INPP4B: variants seen among roughly 807,000 people sequenced by gnomAD.
INPP4B encodes the protein inositol polyphosphate-4-phosphatase type II B, also known as inositol polyphosphate 4-phosphatase type II.
INPP4B carries 55 observed loss-of-function variants against 122.5 expected under a neutral mutation model. The observed-to-expected ratio is 0.45, with a 90% CI of 0.36 to 0.56. INPP4B has a LOEUF of 0.56. INPP4B is among the 20% of genes least tolerant of loss of function. The probability of loss-of-function intolerance (pLI) is 0.00; values close to 1 mark genes in which losing one functional copy is unlikely to be tolerated. For missense variants in INPP4B, 1,000 were observed against 1,097.7 expected (o/e 0.91, Z 1.26); for synonymous variants, 403 against 388.7 (o/e 1.04, Z -0.43).
chr4:142,738,894 T>A (rs1006405891), intron 1 of INPP4B, among the ~76,000 whole-genome samples: 3 of 152,150 alleles, frequency 2.0e-5, no homozygotes, highest in African/African-American at 7.2e-5. Context: ...TCTTAAGTCT[T>A]GTGGAAATTC....
At chr4:142,121,163 T>A (rs1796390943) in intron 21 of INPP4B, among the ~76,000 whole-genome samples, 1 of 152,106 alleles carries the variant, frequency 6.6e-6, no homozygotes, top group South Asian at 2.1e-4. Context: ...TTATTCTTTT[T>A]CTCCCAAATG....
intron 2 of INPP4B, among the ~76,000 whole-genome samples, chr4:142,653,317 G>T (rs1236705491): frequency 6.6e-6 from 1 of 152,106 alleles, no homozygotes; most frequent in Non-Finnish European, 1.5e-5. Context: ...GCATGGGCAA[G>T]GACTTCATGA....
At chr4:142,802,529 T>C (rs1197698671) in intron 1 of INPP4B, among the ~76,000 whole-genome samples, 1 of 152,110 alleles carries the variant, frequency 6.6e-6, no homozygotes, top group East Asian at 1.9e-4. Flanking sequence ...CACTCACTTG[T>C]TATAGGAAAG....
intron 2 of INPP4B, among the ~76,000 whole-genome samples, chr4:142,468,695 C>T (rs1051822839): frequency 1.1e-4 from 16 of 152,272 alleles, no homozygotes; most frequent in Non-Finnish European, 2.1e-4. Context: ...CACACACTGG[C>T]TCCCCTTCCC....
chr4:142,827,582 C>T (rs951403671), intron 1 of INPP4B, among the ~76,000 whole-genome samples: 4 of 152,132 alleles, frequency 2.6e-5, no homozygotes, highest in African/African-American at 9.7e-5. Context: ...GGTAAACATA[C>T]TTAACATTGT....
intron 1 of INPP4B, among the ~76,000 whole-genome samples, chr4:142,810,506 C>A (rs184421511): frequency 2.9e-4 from 44 of 152,232 alleles, no homozygotes; most frequent in Middle Eastern, 3.4e-3. Flanking sequence ...TGTTTTACTG[C>A]TGTAAGTATG....
At chr4:142,259,209 TG>T (rs1409786615) in intron 11 of INPP4B, among the ~76,000 whole-genome samples, 4 of 58,050 alleles carry the variant, frequency 6.9e-5, no homozygotes, top group African/African-American at 2.8e-4. Flanking sequence ...TGTTGTGGGG[TG>T]GGGGGAGGGG....
At chr4:142,832,693 T>C (rs2151187622) in intron 1 of INPP4B, among the ~76,000 whole-genome samples, 1 of 152,272 alleles carries the variant, frequency 6.6e-6, no homozygotes, top group East Asian at 1.9e-4. Context: ...GGTAACAATA[T>C]TTGTTTAAAT....
chr4:142,212,008 T>C (rs3756118), intron 12 of INPP4B, among the ~76,000 whole-genome samples: 4 of 152,056 alleles, frequency 2.6e-5, no homozygotes, highest in Non-Finnish European at 5.9e-5. Flanking sequence ...ATTGAGCAAG[T>C]GGTCAAAAAT....
intron 2 of INPP4B, among the ~76,000 whole-genome samples, chr4:142,619,378 T>C (rs1233163444): frequency 3.9e-5 from 6 of 152,018 alleles, no homozygotes; most frequent in Non-Finnish European, 7.4e-5. Context: ...AAATATGGTA[T>C]ATACATACAA....
intron 25 of INPP4B, among the ~76,000 whole-genome samples, chr4:142,033,637 C>CT (rs1297172368): frequency 6.8e-6 from 1 of 146,484 alleles, no homozygotes; most frequent in Non-Finnish European, 1.5e-5. Context: ...CCTTCAGCTT[C>CT]TTTTTATCTC....
At chr4:142,685,373 T>A (rs922610373) in intron 2 of INPP4B, among the ~76,000 whole-genome samples, 3 of 152,224 alleles carry the variant, frequency 2.0e-5, no homozygotes, top group Non-Finnish European at 4.4e-5. Context: ...TTTTAGTGAG[T>A]AATATTTCAA....
At chr4:142,157,823 C>T (rs940619354) in intron 17 of INPP4B, among the ~76,000 whole-genome samples, 1 of 152,096 alleles carries the variant, frequency 6.6e-6, no homozygotes, top group South Asian at 2.1e-4. Context: ...CTCAAGTACT[C>T]ATTTCTTCGG....
At chr4:142,685,002 A>G (rs1467687414) in intron 2 of INPP4B, among the ~76,000 whole-genome samples, 1 of 152,072 alleles carries the variant, frequency 6.6e-6, no homozygotes, top group Non-Finnish European at 1.5e-5. Context: ...ACATTTCTAA[A>G]ATTTAATTTA....
At chr4:142,303,681 G>T (rs1013576327) in intron 9 of INPP4B, among the ~76,000 whole-genome samples, 56 of 151,996 alleles carry the variant, frequency 3.7e-4, no homozygotes, top group African/African-American at 1.3e-3. Context: ...TAATAACCTA[G>T]CCATTTCAGA....
At chr4:142,248,200 T>C (rs1289458239) in intron 11 of INPP4B, among the ~76,000 whole-genome samples, 1 of 152,174 alleles carries the variant, frequency 6.6e-6, no homozygotes, top group Admixed American at 6.5e-5. Context: ...TATCAGTGAA[T>C]GGATTACATC....
At chr4:142,309,580 G>A (rs1446927773) in intron 8 of INPP4B, among the ~76,000 whole-genome samples, 1 of 152,112 alleles carries the variant, frequency 6.6e-6, no homozygotes, top group African/African-American at 2.4e-5. Flanking sequence ...TCTGCAGAAG[G>A]CAAGTTAGAA....
intron 14 of INPP4B, among the ~76,000 whole-genome samples, chr4:142,194,601 A>G (rs1310610766): frequency 6.6e-6 from 1 of 152,156 alleles, no homozygotes; most frequent in Non-Finnish European, 1.5e-5. Flanking sequence ...CATTTATCTG[A>G]TAAGAAGGCT....
At chr4:142,417,384 G>C (rs1365688513) in intron 5 of INPP4B, among the ~76,000 whole-genome samples, 2 of 152,136 alleles carry the variant, frequency 1.3e-5, no homozygotes, top group East Asian at 3.8e-4. Flanking sequence ...AGTCCTGACT[G>C]TGTGATTTTG....
Sources: gnomAD v4.1 joint callset for allele counts (sites outside exome capture counted in the v4.1 genomes callset) on GRCh38, gnomAD v4.1.1 for gene constraint, MANE v1.5 for transcripts, NCBI Gene and HGNC (gene_info 2026-07-23, HGNC 2026-07-21) for gene names.